GATAD2B: variants seen among roughly 807,000 people sequenced by gnomAD.
The protein encoded by GATAD2B is transcriptional repressor p66-beta.
A neutral mutation model predicts 64.3 loss-of-function variants in GATAD2B; 8 were observed. The ratio of observed to expected loss-of-function variants is 0.12; its 90% CI spans 0.07 to 0.22. The LOEUF is 0.22. GATAD2B is among the 10% of genes least tolerant of loss of function. The pLI, the probability that GATAD2B is intolerant of heterozygous loss-of-function variation, is 1.00. For synonymous variants in GATAD2B, 281 were observed against 271.3 expected, an observed-to-expected ratio of 1.04 and a Z score of -0.35; for missense variants, 453 against 752.0, an observed-to-expected ratio of 0.60 and a Z score of 4.65.
At chr1:153,908,538 G>A (rs1477238223) in intron 1 of GATAD2B, among the ~76,000 whole-genome samples, 1 of 150,628 alleles carries the variant, frequency 6.6e-6, no homozygotes, top group African/African-American at 2.4e-5. Context: ...ATCCAATGTC[G>A]CAATCTTGCA....
At chr1:153,812,190 CTTTTT>C (rs11264420) in intron 8 of GATAD2B, 58 bp from the exon 9 acceptor site, 39 of 611,270 alleles carry the variant, frequency 6.4e-5, no homozygotes, top group South Asian at 8.4e-5. Flanking sequence ...ACCCAATTTC[CTTTTT>C]TTTTTTTTTT....
intron 1 of GATAD2B, among the ~76,000 whole-genome samples, chr1:153,877,723 C>T (rs551151163): frequency 3.3e-5 from 5 of 151,574 alleles, no homozygotes; most frequent in South Asian, 2.1e-4. Flanking sequence ...ACTAAAAATA[C>T]GAAAATTAGC....
chr1:153,862,330 C>T (rs924662518), intron 1 of GATAD2B, among the ~76,000 whole-genome samples: 1 of 151,764 alleles, frequency 6.6e-6, no homozygotes, highest in African/African-American at 2.4e-5. Context: ...ACCATGTTGG[C>T]CAGACTGGTC....
chr1:153,870,454 T>C (rs555591096), intron 1 of GATAD2B, among the ~76,000 whole-genome samples: 1 of 152,128 alleles, frequency 6.6e-6, no homozygotes, highest in South Asian at 2.1e-4. Flanking sequence ...GCACCTATAG[T>C]CTCAGCTACT....
chr1:153,841,142 G>GA (rs1180015821), intron 1 of GATAD2B, among the ~76,000 whole-genome samples: 1 of 134,886 alleles, frequency 7.4e-6, no homozygotes, highest in Non-Finnish European at 1.6e-5. Flanking sequence ...AAAAAAAAAA[G>GA]AAAAAAAGAA....
chr1:153,841,051 G>A (rs1266210853), intron 1 of GATAD2B, among the ~76,000 whole-genome samples: 1 of 150,350 alleles, frequency 6.7e-6, no homozygotes, highest in Non-Finnish European at 1.5e-5. Context: ...CGTGAACCCA[G>A]GAGGCCGAGG....
chr1:153,852,312 C>T, intron 1 of GATAD2B: 1 of 1,030,052 alleles, frequency 9.7e-7, no homozygotes, highest in Non-Finnish European at 1.5e-6. Flanking sequence ...GGCTGTCAGA[C>T]ACTTCCTCAA....
chr1:153,835,118 AAAAC>A (rs1435470686), intron 1 of GATAD2B, among the ~76,000 whole-genome samples: 1 of 152,140 alleles, frequency 6.6e-6, no homozygotes, highest in Non-Finnish European at 1.5e-5. Flanking sequence ...GTCTCTTTAA[AAAAC>A]AAACAAAAAA....
At chr1:153,890,541 C>A (rs1286415307) in intron 1 of GATAD2B, 1 of 151,684 alleles carries the variant, frequency 6.6e-6, no homozygotes, top group Non-Finnish European at 1.5e-5. Context: ...GCTTCCCAGC[C>A]AGCCTGGCAG....
At chr1:153,854,049 A>G (rs953422572) in intron 1 of GATAD2B, among the ~76,000 whole-genome samples, 6 of 152,214 alleles carry the variant, frequency 3.9e-5, no homozygotes, top group Middle Eastern at 3.4e-3. Flanking sequence ...TCCCTGCTTT[A>G]TATAGAGATT....
chr1:153,873,607 C>G (rs1006426961), intron 1 of GATAD2B, among the ~76,000 whole-genome samples: 1 of 152,212 alleles, frequency 6.6e-6, no homozygotes, highest in Non-Finnish European at 1.5e-5. Context: ...GCAGATATGG[C>G]CCCTTGACCC....
chr1:153,827,245 CAAAA>C (rs545259062), intron 2 of GATAD2B, among the ~76,000 whole-genome samples: 1 of 49,354 alleles, frequency 2.0e-5, no homozygotes. Context: ...GACCTTGCCT[CAAAA>C]AAAAAAAAAA....
intron 1 of GATAD2B, among the ~76,000 whole-genome samples, chr1:153,829,138 G>A (rs913616897): frequency 1.3e-5 from 2 of 152,078 alleles, no homozygotes; most frequent in Admixed American, 1.3e-4. Context: ...CCAGGAGGTT[G>A]AGGCTGCACT....
At chr1:153,889,325 T>C (rs1264557694) in intron 1 of GATAD2B, among the ~76,000 whole-genome samples, 1 of 148,140 alleles carries the variant, frequency 6.8e-6, no homozygotes, top group Non-Finnish European at 1.5e-5. Context: ...GGCAGGAGAA[T>C]TGCTTGAACC....
At chr1:153,843,403 T>A (rs1202176445) in intron 1 of GATAD2B, among the ~76,000 whole-genome samples, 2 of 151,802 alleles carry the variant, frequency 1.3e-5, no homozygotes, top group Non-Finnish European at 2.9e-5. Context: ...CATTGCACCC[T>A]CCTACCTCAG....
intron 1 of GATAD2B, among the ~76,000 whole-genome samples, chr1:153,898,454 A>G (rs1677671052): frequency 6.6e-6 from 1 of 152,170 alleles, no homozygotes; most frequent in Non-Finnish European, 1.5e-5. Context: ...GGCTGGGCAC[A>G]GTGGCTCACG....
In GATAD2B at chr1:153,922,782, CGGA is replaced by C. The variant is rs1468964930; in HGVS notation, c.-54_-52del. ...GCTAGCTCGCCTCCTCAGGCGGCGGCGGAGGCGTCGAAAAAGGAAGAGGCGACG... is the reference window on the plus strand; with the variant it reads ...GCTAGCTCGCCTCCTCAGGCGGCGGCGGCGTCGAAAAAGGAAGAGGCGACG... On this transcript the variant is annotated 5_prime_UTR_variant, in exon 1 of 11. Transcript: ENST00000368655. 1 of 144,800 alleles carries C rather than the reference CGGA, an allele frequency of 6.9e-6. No individual in the cohort carries two copies. Among genetic ancestry groups the C allele is most frequent in the Non-Finnish European group, 1.5e-5 (1 of 67,044 alleles). 9.0% of individuals were successfully genotyped at this position (144,800 alleles called of 1,614,324 possible).
chr1:153,816,635 G>A lies in GATAD2B; in HGVS notation c.901-47C>T, dbSNP rs1674491454. On this transcript the variant is annotated intron_variant, in intron 6 of 10. Transcript: ENST00000368655. The surrounding 1 kb of genome is among the most constrained non-coding windows in gnomAD (Gnocchi z 4.9). ...GTCAATCATGGTATGCAGGAGAAAG[G>A]GCCAATTCTTACGTTCTTGGCAGAG... 2.3e-6 allele frequency: 3 copies of A among 1,313,740 alleles called. No homozygotes were observed. In the East Asian group the frequency reaches 7.0e-5, roughly 31 times the overall value. 81.4% of individuals were successfully genotyped at this position (1,313,740 alleles called of 1,614,324 possible).
chr1:153,829,594 G>A (rs1285801892), intron 1 of GATAD2B, among the ~76,000 whole-genome samples: 3 of 151,828 alleles, frequency 2.0e-5, no homozygotes, highest in Non-Finnish European at 4.4e-5. Flanking sequence ...AAACTTAGCT[G>A]GGCGTGGTGG....
Sources: allele counts gnomAD v4.1 joint callset (sites outside exome capture counted in the v4.1 genomes callset), GRCh38; gene constraint gnomAD v4.1.1; non-coding constraint Gnocchi (gnomAD v3.1); transcripts MANE v1.5; gene names NCBI Gene and HGNC (gene_info 2026-07-23, HGNC 2026-07-21).